TMEM132E: variants seen among roughly 807,000 people sequenced by gnomAD.
The protein encoded by TMEM132E is transmembrane protein 132E.
Under a neutral mutation model 78.5 loss-of-function variants are expected in TMEM132E, and 49 were observed. That is an observed-to-expected ratio of 0.62 (90% confidence interval 0.50 to 0.79). The LOEUF (loss-of-function observed/expected upper bound fraction) is 0.79, where lower values mean the gene tolerates loss of function less well. Ranked by LOEUF, TMEM132E falls within the 30% of genes least tolerant of loss-of-function variation. TMEM132E has a pLI of 0.00. For synonymous variants in TMEM132E, 715 were observed against 670.6 expected (o/e 1.07, Z -1.02); for missense variants, 1,403 against 1,470.9 (o/e 0.95, Z 0.75).
chr17:34,596,000 C>T (rs969109691), intron 1 of TMEM132E, among the ~76,000 whole-genome samples: 1 of 151,576 alleles, frequency 6.6e-6, no homozygotes, highest in Non-Finnish European at 1.5e-5. Flanking sequence ...TCCCTCCATT[C>T]CCCTCCCTCG....
intron 1 of TMEM132E, among the ~76,000 whole-genome samples, chr17:34,597,399 T>C (rs766368194): frequency 2.6e-4 from 39 of 152,208 alleles, no homozygotes; most frequent in South Asian, 6.2e-4. Flanking sequence ...AGGTTAGAAA[T>C]CTAGGTCCTG....
chr17:34,613,221 G>A (rs1322471427), intron 1 of TMEM132E, among the ~76,000 whole-genome samples: 9 of 144,344 alleles, frequency 6.2e-5, no homozygotes, highest in South Asian at 2.2e-4. Flanking sequence ...ACGCGCGCGC[G>A]CGCGCGTTCT....
At chr17:34,621,017 G>A (rs1016995156) in intron 1 of TMEM132E, among the ~76,000 whole-genome samples, 1 of 152,204 alleles carries the variant, frequency 6.6e-6, no homozygotes, top group Admixed American at 6.5e-5. Flanking sequence ...CAGGGGTCGG[G>A]GAGGCTGGGG....
chr17:34,600,806 G>C (rs1906215918), intron 1 of TMEM132E, among the ~76,000 whole-genome samples: 1 of 152,192 alleles, frequency 6.6e-6, no homozygotes, highest in African/African-American at 2.4e-5. Flanking sequence ...AGCAACCCCA[G>C]CAGGTCAAAG....
rs1454245691 is a variant in TMEM132E, at chr17:34,628,413, C to T, written c.999-150C>T. 3 of 919,506 alleles carry T rather than the reference C, an allele frequency of 3.3e-6. No homozygotes were observed. The East Asian group carries it at 9.1e-5, about 28-fold the overall frequency. 57.0% of individuals were successfully genotyped at this position (919,506 alleles called of 1,614,324 possible). A position where few individuals can be genotyped will look rare whatever the true frequency, so the allele number is the denominator to read the frequency against. ...GTGATACCAGATTCCCCAAGTTCAT[C>T]TGAAACATTCATCTGAAACATCCAG... On this transcript the variant is annotated intron_variant, in intron 2 of 8. Transcript: ENST00000631683.
Position 34,579,897 on chromosome 17 carries a change from G to A in TMEM132E, c.-1180G>A, listed in dbSNP as rs1035647502. ...GCGATCCGCTCGCCCAAACTGACTC[G>A]GAGGGAGCGGGAGCCGATGCCCGGC... On this transcript the variant is annotated 5_prime_UTR_variant, in exon 1 of 9. Coordinates refer to ENST00000631683, the MANE Select transcript of TMEM132E (RefSeq NM_001304438.2). The A allele has an allele frequency of 3.9e-5, 6 of 152,198 alleles. No individual in the cohort carries two copies. The highest frequency in any genetic ancestry group is 1.3e-4 in the Admixed American group (2 of 15,282). The allele number at this position is 152,198 out of a possible 1,614,324, so 9.4% of individuals were successfully genotyped here. A position where few individuals can be genotyped will look rare whatever the true frequency, so the allele number is the denominator to read the frequency against.
At chr17:34,605,670 G>A (rs747830707) in intron 1 of TMEM132E, among the ~76,000 whole-genome samples, 4 of 152,142 alleles carry the variant, frequency 2.6e-5, no homozygotes, top group Admixed American at 6.5e-5. Flanking sequence ...ATAAAGCCAC[G>A]TAACAAACCA....
intron 1 of TMEM132E, among the ~76,000 whole-genome samples, chr17:34,614,967 A>G (rs1906728328): frequency 6.6e-6 from 1 of 152,218 alleles, no homozygotes; most frequent in Non-Finnish European, 1.5e-5. Context: ...TCCCAGGACC[A>G]GGGAACCTTT....
At chr17:34,589,339 G>A (rs577374817) in intron 1 of TMEM132E, among the ~76,000 whole-genome samples, 5 of 152,252 alleles carry the variant, frequency 3.3e-5, no homozygotes, top group East Asian at 1.9e-4. Context: ...GGCCAGGGGC[G>A]CCCTTGTAGT....
chr17:34,580,439 G>C lies in TMEM132E; in HGVS notation c.-638G>C, dbSNP rs1905424229. 6.6e-6 allele frequency: 1 copy of C among 152,310 alleles called. No individual in the cohort carries two copies. The highest frequency in any genetic ancestry group is 2.4e-5 in the African/African-American group (1 of 41,476). 9.4% of individuals were successfully genotyped at this position (152,310 alleles called of 1,614,324 possible). A position where few individuals can be genotyped will look rare whatever the true frequency, so the allele number is the denominator to read the frequency against. On this transcript the variant is annotated 5_prime_UTR_variant, in exon 1 of 9. Transcript: ENST00000631683. ...CGCCCGCCTCGGGCATCCGGTCTGG[G>C]CGTCGCCTAGGGTGGTGGCGACCGG...
At chr17:34,587,266 C>T (rs1905711205) in intron 1 of TMEM132E, among the ~76,000 whole-genome samples, 1 of 152,208 alleles carries the variant, frequency 6.6e-6, no homozygotes, top group Non-Finnish European at 1.5e-5. Context: ...TAAACCCCTC[C>T]CCAGGAACAC....
rs1905425950 is a variant in TMEM132E, at chr17:34,580,478, A to G, written c.-599A>G. 1 of 152,286 alleles carries G rather than the reference A, an allele frequency of 6.6e-6. No homozygotes were observed. Among genetic ancestry groups the G allele is most frequent in the Non-Finnish European group, 1.5e-5 (1 of 68,068 alleles). 9.4% of individuals were successfully genotyped at this position (152,286 alleles called of 1,614,324 possible). ...GGTGGCGACCGGCGTCGCCAGTTTC[A>G]GCACCGCACGGAAACTTTTCCTTCT... On this transcript the variant is annotated 5_prime_UTR_variant, in exon 1 of 9. Transcript: ENST00000631683.
intron 1 of TMEM132E, among the ~76,000 whole-genome samples, chr17:34,584,132 C>T (rs1905585767): frequency 6.6e-6 from 1 of 152,246 alleles, no homozygotes; most frequent in Admixed American, 6.5e-5. Context: ...CAAGGGCACA[C>T]TCATTGCCCT....
chr17:34,638,189 C>G lies in TMEM132E; in HGVS notation c.3182C>G (p.Pro1061Arg). The G allele has an allele frequency of 2.5e-6, 4 of 1,604,652 alleles. No homozygotes were observed. The highest frequency in any genetic ancestry group is 3.4e-6 in the Non-Finnish European group (4 of 1,176,756). ...VAGPTRPTAPPDLHNYMRRIK... is the reference protein window; with the variant it reads ...VAGPTRPTAPRDLHNYMRRIK... ...GGCCCCACGCGGCCCACTGCACCCC[C>G]GGACCTGCACAATTACATGCGCAGA... is the stretch of plus-strand genomic sequence containing the variant. The change falls in exon 9 of 9, where the codon CCG becomes CGG. Residue 1061 changes from proline to arginine, a missense_variant. Around this residue, in one of 3 missense-constraint regions of TMEM132E, gnomAD observed 888 missense variants for 952.8 expected, o/e 0.93. Transcript: ENST00000631683.
intron 1 of TMEM132E, among the ~76,000 whole-genome samples, chr17:34,583,254 C>G (rs1268945102): frequency 4.6e-5 from 7 of 152,238 alleles, no homozygotes; most frequent in Admixed American, 4.6e-4. Flanking sequence ...GAGGTAGGGT[C>G]TGAATCGCCC....
chr17:34,597,688 T>G (rs571680783), intron 1 of TMEM132E, among the ~76,000 whole-genome samples: 19 of 152,266 alleles, frequency 1.2e-4, no homozygotes, highest in African/African-American at 3.4e-4. Context: ...GACCACAGCC[T>G]TTTTTCAGTG....
chr17:34,633,400 G>C (rs1907414892), intron 6 of TMEM132E, among the ~76,000 whole-genome samples: 1 of 152,246 alleles, frequency 6.6e-6, no homozygotes, highest in Non-Finnish European at 1.5e-5. Context: ...CCCAGCCTGG[G>C]CACACCAAGG....
chr17:34,585,120 A>G (rs543048695), intron 1 of TMEM132E, among the ~76,000 whole-genome samples: 61 of 152,328 alleles, frequency 4.0e-4, no homozygotes, highest in African/African-American at 1.4e-3. Flanking sequence ...TTCTGGCCAC[A>G]TGCAGCCGTA....
chr17:34,594,199 C>G (rs1905978828), intron 1 of TMEM132E, among the ~76,000 whole-genome samples: 2 of 152,190 alleles, frequency 1.3e-5, no homozygotes, highest in African/African-American at 4.8e-5. Flanking sequence ...GTATCCCCAA[C>G]CCCTGGGGCC....
Sources: gnomAD v4.1 joint callset for allele counts (sites outside exome capture counted in the v4.1 genomes callset) on GRCh38, gnomAD v4.1.1 for gene constraint, gnomAD v4.1.1 regional missense constraint, MANE v1.5 for transcripts, NCBI Gene and HGNC (gene_info 2026-07-23, HGNC 2026-07-21) for gene names.